ABR: variants seen among roughly 807,000 people sequenced by gnomAD.
The protein encoded by ABR is ABR activator of RhoGEF and GTPase, also known as active breakpoint cluster region-related protein.
In ABR, 35 loss-of-function variants were observed where a neutral mutation model predicts 107.2. That is an observed-to-expected ratio of 0.33 (90% CI 0.25 to 0.43). ABR has a LOEUF of 0.43. Among genes scored for constraint, ABR ranks in the 20% least tolerant of loss-of-function variants. ABR has a pLI of 1.00. For synonymous variants in ABR, 498 were observed against 462.0 expected (o/e 1.08, Z -1.00); for missense variants, 815 against 1,115.2 (o/e 0.73, Z 3.83).
intron 3 of ABR, among the ~76,000 whole-genome samples, chr17:1,095,581 C>T (rs2037362000): frequency 6.6e-6 from 1 of 152,186 alleles, no homozygotes; most frequent in Admixed American, 6.5e-5. Context: ...CAGGCACCCC[C>T]TCCTCCCCAG....
At chr17:1,066,775 T>A (rs1348244550) in intron 10 of ABR, among the ~76,000 whole-genome samples, 7 of 152,112 alleles carry the variant, frequency 4.6e-5, no homozygotes, top group Non-Finnish European at 8.8e-5. Flanking sequence ...GTGATCCACC[T>A]GCCTCGGCCT....
chr17:1,139,046 C>T (rs2040188125), intron 1 of ABR, among the ~76,000 whole-genome samples: 1 of 152,116 alleles, frequency 6.6e-6, no homozygotes. Context: ...TGGCTAAATC[C>T]AGACATTTGT....
chr17:1,075,338 A>G (rs1289244671), intron 6 of ABR, among the ~76,000 whole-genome samples: 1 of 152,278 alleles, frequency 6.6e-6, no homozygotes, highest in South Asian at 2.1e-4. Context: ...GAAGGATCCC[A>G]GACTGGGTGT....
Position 1,148,164 on chromosome 17 carries a change from T to C in ABR, c.62-22797A>G, listed in dbSNP as rs2040633248. ...AATACCCGCATTCCTAAGAGCATTA[T>C]TGACACTTGCCAAAAAACAGAAACA... On this transcript the variant is annotated intron_variant, in intron 1 of 22. Transcript: ENST00000302538. The surrounding 1 kb of genome is among the most constrained non-coding windows in gnomAD (Gnocchi z 4.9). Among the ~76,000 whole-genome samples the C allele has an allele frequency of 6.6e-6, 1 of 152,232 alleles. No individual in the cohort carries two copies. The highest frequency in any genetic ancestry group is 2.4e-5 in the African/African-American group (1 of 41,462).
chr17:1,089,841 T>A (rs1325264813), intron 4 of ABR, among the ~76,000 whole-genome samples: 1 of 152,076 alleles, frequency 6.6e-6, no homozygotes, highest in Non-Finnish European at 1.5e-5. Context: ...GCGCCTGTAA[T>A]CCCAGCTACT....
intron 1 of ABR, among the ~76,000 whole-genome samples, chr17:1,134,397 G>A (rs564692902): frequency 2.7e-5 from 4 of 148,402 alleles, no homozygotes; most frequent in Non-Finnish European, 6.0e-5. Flanking sequence ...GGGCAACAGA[G>A]CAAGACTCCC....
intron 3 of ABR, 137 bp downstream of exon 3, chr17:1,100,500 C>T: frequency 1.3e-6 from 1 of 776,536 alleles, no homozygotes. Flanking sequence ...CAGAAGCAGA[C>T]CAGCTGCAGA....
At chr17:1,109,528 G>A (rs2038523659) in intron 2 of ABR, among the ~76,000 whole-genome samples, 1 of 152,084 alleles carries the variant, frequency 6.6e-6, no homozygotes, top group African/African-American at 2.4e-5. Flanking sequence ...GGAGGAGCGA[G>A]GAGGCCGCGG....
At chr17:1,060,979 C>G (rs1411606358) in intron 10 of ABR, among the ~76,000 whole-genome samples, 1 of 151,834 alleles carries the variant, frequency 6.6e-6, no homozygotes, top group Non-Finnish European at 1.5e-5. Flanking sequence ...GCGACAGTGA[C>G]AAAGTGAGAC....
At chr17:1,124,895 C>G (rs529803011) in intron 2 of ABR, among the ~76,000 whole-genome samples, 1 of 152,094 alleles carries the variant, frequency 6.6e-6, no homozygotes, top group Non-Finnish European at 1.5e-5. Context: ...GACAGGCTAA[C>G]AGGGGAAAGC....
At position 1,179,747 on chromosome 17, in the gene ABR, C is replaced by T. The variant is rs1457812878; in HGVS notation, c.-20G>A. The T allele has an allele frequency of 1.3e-6, 2 of 1,497,572 alleles. No homozygotes were observed. The highest frequency in any genetic ancestry group is 1.4e-5 in the African/African-American group (1 of 69,252). The allele number at this position is 1,497,572 out of a possible 1,614,324, so 92.8% of individuals were successfully genotyped here. On this transcript the variant is annotated 5_prime_UTR_variant, in exon 1 of 23. The change abolishes the stop of an existing upstream ORF in the 5' untranslated region. Transcript: ENST00000302538. This position sits in a 1 kb window ranked among gnomAD's most constrained non-coding sequence, Gnocchi z 4.9. Reference sequence around the variant, plus strand: ...CTCCATCCCGCGGCGGCGGCTCGGTCAGATCCGAAACCCGACCCTCATCGC... The same window carrying T: ...CTCCATCCCGCGGCGGCGGCTCGGTTAGATCCGAAACCCGACCCTCATCGC...
At chr17:1,039,109 T>C (rs888175649) in intron 16 of ABR, among the ~76,000 whole-genome samples, 1 of 152,150 alleles carries the variant, frequency 6.6e-6, no homozygotes, top group East Asian at 1.9e-4. Context: ...CACCTTTTTT[T>C]GGTCTGTCGG....
At chr17:1,142,985 C>A (rs1023001277) in intron 1 of ABR, among the ~76,000 whole-genome samples, 1 of 147,028 alleles carries the variant, frequency 6.8e-6, no homozygotes, top group African/African-American at 2.5e-5. Flanking sequence ...GGACAGCTCG[C>A]TCCTGGGGGA....
chr17:1,054,336 T>C (rs1470542262), intron 14 of ABR, among the ~76,000 whole-genome samples: 1 of 152,302 alleles, frequency 6.6e-6, no homozygotes, highest in East Asian at 1.9e-4. Context: ...CTCCCATGCA[T>C]CCCAGGGTAA....
chr17:1,107,727 G>A (rs1049246445), intron 2 of ABR, among the ~76,000 whole-genome samples: 4 of 152,172 alleles, frequency 2.6e-5, no homozygotes, highest in African/African-American at 9.7e-5. Flanking sequence ...GAGCCCACGG[G>A]GAGACGTGAC....
chr17:1,015,449 T>C (rs561667800), intron 16 of ABR, among the ~76,000 whole-genome samples: 4 of 150,568 alleles, frequency 2.7e-5, no homozygotes, highest in African/African-American at 9.8e-5. Context: ...AGCCGACACA[T>C]TATATACATT....
chr17:1,223,690 A>G lies in ABR; in HGVS notation c.838+5103T>C, dbSNP rs143634949. 5.3e-5 allele frequency among the ~76,000 whole-genome samples: 8 copies of G among 152,310 alleles called. No individual in the cohort carries two copies. The East Asian group carries it at 1.5e-3, about 29-fold the overall frequency. On this transcript the variant is annotated intron_variant, in intron 1 of 22. Transcript: ENST00000574139. Reference sequence around the variant, plus strand: ...GGTTTAATTGACTCACAGTTCCCCAAGGCTGGGGAGGCCTCAGGAAACTTA... The same window carrying G: ...GGTTTAATTGACTCACAGTTCCCCAGGGCTGGGGAGGCCTCAGGAAACTTA...
At chr17:1,226,866 C>G (rs2150773120) in intron 1 of ABR, among the ~76,000 whole-genome samples, 1 of 152,244 alleles carries the variant, frequency 6.6e-6, no homozygotes, top group Admixed American at 6.5e-5. Context: ...ACATGTGCTG[C>G]TATGCATTTA....
At chr17:1,074,854 G>A (rs913161317) in intron 6 of ABR, among the ~76,000 whole-genome samples, 3 of 152,224 alleles carry the variant, frequency 2.0e-5, no homozygotes, top group Non-Finnish European at 4.4e-5. Context: ...GCTGAGGCAG[G>A]GAAATCACTT....
Sources: gnomAD v4.1 joint callset for allele counts (sites outside exome capture counted in the v4.1 genomes callset) on GRCh38, gnomAD v4.1.1 for gene constraint, Gnocchi (gnomAD v3.1) non-coding constraint, MANE v1.5 for transcripts, NCBI Gene and HGNC (gene_info 2026-07-23, HGNC 2026-07-21) for gene names.